The following HTT variants were observed in gnomAD, a reference collection of about 807,000 sequenced individuals.
The protein encoded by HTT is huntingtin.
In HTT, 104 loss-of-function variants were observed where a neutral mutation model predicts 362.3. The observed-to-expected ratio is 0.29, with a 90% CI of 0.24 to 0.34. The LOEUF is 0.34. HTT is among the 10% of genes least tolerant of loss of function. The pLI, the probability that HTT is intolerant of heterozygous loss-of-function variation, is 1.00. For missense variants in HTT, 3,301 were observed against 3,928.6 expected, an observed-to-expected ratio of 0.84 and a Z score of 4.27; for synonymous variants, 1,577 against 1,548.7, an observed-to-expected ratio of 1.02 and a Z score of -0.43.
intron 2 of HTT, among the ~76,000 whole-genome samples, chr4:3,091,170 T>C (rs760630329): frequency 1.3e-5 from 2 of 152,146 alleles, no homozygotes; most frequent in Non-Finnish European, 2.9e-5. Flanking sequence ...ACTTAATGTA[T>C]GTGACATTAA....
chr4:3,188,065 C>T (rs933291905), intron 39 of HTT, 179 bp downstream of exon 39: 5 of 571,356 alleles, frequency 8.8e-6, no homozygotes, highest in Non-Finnish European at 1.6e-5. Flanking sequence ...TTGGTTCATA[C>T]CTGTCTTGAA....
At chr4:3,105,908 A>G (rs999129393) in intron 5 of HTT, among the ~76,000 whole-genome samples, 1 of 152,216 alleles carries the variant, frequency 6.6e-6, no homozygotes, top group Non-Finnish European at 1.5e-5. Context: ...AAACAGTTGT[A>G]TCTTAACGGA....
intron 47 of HTT, among the ~76,000 whole-genome samples, chr4:3,210,863 CAGG>C (rs1288969706): frequency 1.3e-5 from 2 of 151,152 alleles, no homozygotes; most frequent in African/African-American, 4.9e-5. Flanking sequence ...CTGAAAACAA[CAGG>C]AGAATTAGCC....
At chr4:3,178,182 T>G (rs1258886686) in intron 34 of HTT, 116 bp from the exon 35 acceptor site, 1 of 783,192 alleles carries the variant, frequency 1.3e-6, no homozygotes, top group East Asian at 2.5e-5. Flanking sequence ...CACGGACACC[T>G]GTTAGCTTGA....
intron 21 of HTT, among the ~76,000 whole-genome samples, chr4:3,139,252 C>T (rs548436960): frequency 4.6e-5 from 7 of 152,188 alleles, no homozygotes; most frequent in African/African-American, 7.2e-5. Context: ...GGCAGGAATG[C>T]AGTGGTGGAA....
intron 47 of HTT, among the ~76,000 whole-genome samples, chr4:3,211,402 C>T (rs1720153388): frequency 1.3e-5 from 2 of 152,118 alleles, no homozygotes; most frequent in Admixed American, 6.5e-5. Context: ...AGATGTTTTA[C>T]CTGAAGGATC....
intron 22 of HTT, among the ~76,000 whole-genome samples, chr4:3,140,917 G>A (rs768255323): frequency 6.6e-6 from 1 of 151,558 alleles, no homozygotes; most frequent in Non-Finnish European, 1.5e-5. Context: ...GCTGACAGTT[G>A]TATTTTTGTT....
Position 3,217,891 on chromosome 4 carries a change from ACAT to A in HTT, c.7190_7192del (p.Ile2397del). 6.2e-7 allele frequency: 1 copy of A among 1,614,058 alleles called. No homozygotes were observed. The highest frequency in any genetic ancestry group is 8.5e-7 in the Non-Finnish European group (1 of 1,179,944). ...GCGTTTCTCACGCCATTGCTAAGGA[ACAT>A]CATCATCAGCCTGGCCCGCCTGCCC... On this transcript the variant is annotated inframe_deletion, in exon 52 of 67. Coordinates refer to ENST00000355072, the MANE Select transcript of HTT (RefSeq NM_001388492.1).
At chr4:3,189,722 A>G (rs989334717) in intron 40 of HTT, among the ~76,000 whole-genome samples, 1 of 152,218 alleles carries the variant, frequency 6.6e-6, no homozygotes, top group African/African-American at 2.4e-5. Context: ...ACTGAACTGT[A>G]CAGTTAAAAA....
intron 29 of HTT, among the ~76,000 whole-genome samples, chr4:3,167,337 C>G (rs1007279327): frequency 6.6e-6 from 1 of 152,178 alleles, no homozygotes. Flanking sequence ...TCCTAGAGTG[C>G]TGGGATCACA....
At chr4:3,137,820 G>A (rs1001508088) in intron 21 of HTT, among the ~76,000 whole-genome samples, 4 of 152,180 alleles carry the variant, frequency 2.6e-5, no homozygotes, top group African/African-American at 9.7e-5. Flanking sequence ...GCATGTATCA[G>A]TAGTTTGTTC....
At chr4:3,220,800 T>G (rs1035181909) in intron 53 of HTT, among the ~76,000 whole-genome samples, 4 of 152,152 alleles carry the variant, frequency 2.6e-5, no homozygotes, top group African/African-American at 9.7e-5. Flanking sequence ...GGCTTGGGGC[T>G]CAGACAGTCC....
intron 1 of HTT, among the ~76,000 whole-genome samples, chr4:3,086,545 C>T (rs972969862): frequency 6.6e-6 from 1 of 152,176 alleles, no homozygotes; most frequent in African/African-American, 2.4e-5. Flanking sequence ...GTGGTGCGTG[C>T]CTGTGGTCCG....
At chr4:3,175,920 G>T (rs1718215444) in intron 33 of HTT, among the ~76,000 whole-genome samples, 1 of 152,032 alleles carries the variant, frequency 6.6e-6, no homozygotes, top group Non-Finnish European at 1.5e-5. Context: ...TTACTCACCT[G>T]AAAGGGTCTG....
At chr4:3,197,386 C>G (rs2110259209) in intron 40 of HTT, among the ~76,000 whole-genome samples, 1 of 152,184 alleles carries the variant, frequency 6.6e-6, no homozygotes, top group Admixed American at 6.5e-5. Context: ...AGGGCCTCTT[C>G]TTGTTAATTA....
Position 3,242,448 on chromosome 4 carries a change from G to A in HTT, c.*2389G>A, listed in dbSNP as rs781728046. On this transcript the variant is annotated 3_prime_UTR_variant, in exon 67 of 67. Coordinates refer to ENST00000355072, the MANE Select transcript of HTT (RefSeq NM_001388492.1). ...ATTTTACACACACACCTCTCAAGACGGAGATGCATGGCCTCTAAGAGTGCC... is the reference window on the plus strand; with the variant it reads ...ATTTTACACACACACCTCTCAAGACAGAGATGCATGGCCTCTAAGAGTGCC... 5.3e-5 allele frequency: 8 copies of A among 152,194 alleles called. No homozygotes were observed. Among genetic ancestry groups the A allele is most frequent in the East Asian group, 1.9e-4 (1 of 5,198 alleles). 9.4% of individuals were successfully genotyped at this position (152,194 alleles called of 1,614,324 possible).
At chr4:3,118,866 A>G (rs1331083735) in intron 8 of HTT, among the ~76,000 whole-genome samples, 8 of 152,230 alleles carry the variant, frequency 5.3e-5, no homozygotes, top group Non-Finnish European at 8.8e-5. Flanking sequence ...ATCTTACTCC[A>G]TCTTCTTTTG....
In HTT at chr4:3,212,031, C is replaced by T. The variant is rs1162780391; in HGVS notation, c.6517C>T (p.Leu2173=). 6.2e-7 allele frequency: 1 copy of T among 1,614,228 alleles called. No homozygotes were observed. The highest frequency in any genetic ancestry group is 1.7e-5 in the Admixed American group (1 of 60,028). ...TTTTGAAGCAGCCCGTGAGGTGACT[C>T]TGGCCCGTGTGAGCGGCACCGTGCA... ...ALFEAAREVT[L]ARVSGTVQQL... is the part of the protein sequence containing the mutation. The change falls in exon 48 of 67, where the codon CTG becomes TTG. Residue 2173 remains leucine, a synonymous_variant. Transcript: ENST00000355072.
intron 59 of HTT, among the ~76,000 whole-genome samples, 174 bp downstream of exon 59, chr4:3,229,183 G>GCA (rs1366846175): frequency 6.9e-6 from 1 of 144,502 alleles, no homozygotes; most frequent in Non-Finnish European, 1.5e-5. Flanking sequence ...CATGCCACAT[G>GCA]CACACACATA....
Sources: gnomAD v4.1 joint callset for allele counts (sites outside exome capture counted in the v4.1 genomes callset) on GRCh38, gnomAD v4.1.1 for gene constraint, MANE v1.5 for transcripts, NCBI Gene and HGNC (gene_info 2026-07-23, HGNC 2026-07-21) for gene names.